Variants in KCNK2 observed in about 807,000 individuals in gnomAD.
The protein encoded by KCNK2 is potassium two pore domain channel subfamily K member 2, also known as potassium channel subfamily K member 2.
In KCNK2, 21 loss-of-function variants were observed where a neutral mutation model predicts 40.5. The ratio of observed to expected loss-of-function variants is 0.52; its 90% CI spans 0.37 to 0.75. The LOEUF is 0.75. Among genes scored for constraint, KCNK2 ranks in the 30% least tolerant of loss-of-function variants. The probability of loss-of-function intolerance (pLI) is 0.00; values close to 1 mark genes in which losing one functional copy is unlikely to be tolerated. For missense variants in KCNK2, 399 were observed against 531.6 expected (o/e 0.75, Z 2.45); for synonymous variants, 191 against 202.2 (o/e 0.94, Z 0.47).
At chr1:215,127,165 T>C (rs1661474793) in intron 3 of KCNK2, among the ~76,000 whole-genome samples, 1 of 152,080 alleles carries the variant, frequency 6.6e-6, no homozygotes, top group African/African-American at 2.4e-5. Context: ...TTTTGGAAAA[T>C]AAATTGCAGT....
chr1:215,056,520 AAAG>A (rs543626040), intron 1 of KCNK2, among the ~76,000 whole-genome samples: 8,101 of 137,172 alleles, frequency 0.059, 522 homozygotes, highest in Middle Eastern at 0.14. Flanking sequence ...AAAAAAAAAA[AAAG>A]AAGAAGAAGG....
At chr1:215,148,075 T>A (rs1417036482) in intron 3 of KCNK2, among the ~76,000 whole-genome samples, 1 of 74,624 alleles carries the variant, frequency 1.3e-5, no homozygotes, top group Non-Finnish European at 2.8e-5. Context: ...TTTTATTTTC[T>A]TTTCCTTTTT....
intron 1 of KCNK2, among the ~76,000 whole-genome samples, chr1:215,023,301 C>G (rs903451432): frequency 7.9e-5 from 12 of 152,150 alleles, no homozygotes; most frequent in African/African-American, 2.7e-4. Context: ...GGCCAGCCCT[C>G]TACTACAAAG....
chr1:215,045,549 C>T (rs924526448), intron 1 of KCNK2, among the ~76,000 whole-genome samples: 2 of 152,152 alleles, frequency 1.3e-5, no homozygotes, highest in African/African-American at 2.4e-5. Context: ...TTATGCATAT[C>T]TTGGGTTATT....
chr1:215,086,299 TAAA>T (rs771554800), intron 1 of KCNK2, 66 bp from the exon 2 acceptor site: 129 of 1,326,312 alleles, frequency 9.7e-5, no homozygotes, highest in Non-Finnish European at 1.3e-4. Flanking sequence ...TCTGACCCCT[TAAA>T]GAAGAAGCCC....
intron 4 of KCNK2, among the ~76,000 whole-genome samples, chr1:215,171,484 C>T (rs1019650600): frequency 3.3e-5 from 5 of 151,944 alleles, no homozygotes; most frequent in African/African-American, 1.2e-4. Flanking sequence ...ATGGAAGTGA[C>T]AGAAAAAAAC....
chr1:215,202,804 T>G (rs960449549), intron 6 of KCNK2, among the ~76,000 whole-genome samples: 3 of 152,192 alleles, frequency 2.0e-5, no homozygotes, highest in Non-Finnish European at 4.4e-5. Context: ...TACAGTGACT[T>G]GTGAAAGGTT....
At chr1:215,083,620 TC>T in intron 1 of KCNK2, 189 bp downstream of exon 1, 2 of 598,820 alleles carry the variant, frequency 3.3e-6, no homozygotes, top group Non-Finnish European at 6.0e-6. Context: ...ACGCCGCTTC[TC>T]CCCCCTCTCC....
At chr1:215,210,218 T>G (rs561320229) in intron 6 of KCNK2, among the ~76,000 whole-genome samples, 1 of 150,562 alleles carries the variant, frequency 6.6e-6, no homozygotes, top group Non-Finnish European at 1.5e-5. Context: ...TAAATTCATC[T>G]TAGCTCTCAT....
intron 1 of KCNK2, among the ~76,000 whole-genome samples, chr1:215,011,362 T>TGGCTCACTGCATC (rs1242078238): frequency 4.6e-5 from 7 of 151,782 alleles, no homozygotes; most frequent in African/African-American, 1.7e-4. Flanking sequence ...GGCACTGCCT[T>TGGCTCACTGCATC]GGCTCACTGC....
At chr1:215,091,126 G>T (rs772309526) in intron 2 of KCNK2, among the ~76,000 whole-genome samples, 22 of 152,176 alleles carry the variant, frequency 1.4e-4, no homozygotes, top group Non-Finnish European at 2.6e-4. Flanking sequence ...CCCTGAGGAA[G>T]AAATTAAGCA....
chr1:215,175,437 T>A (rs2102642051), intron 5 of KCNK2, among the ~76,000 whole-genome samples: 1 of 131,674 alleles, frequency 7.6e-6, no homozygotes, highest in South Asian at 2.3e-4. Context: ...TGATACCAAA[T>A]GTCTGCCTCT....
chr1:215,194,922 G>T (rs771316818), intron 5 of KCNK2, 31 bp from the exon 6 acceptor site: 2 of 1,606,408 alleles, frequency 1.2e-6, no homozygotes, highest in Non-Finnish European at 8.5e-7. Flanking sequence ...AGACTATGAA[G>T]TTATTTTGTT....
At chr1:215,046,902 T>C (rs1657790523) in intron 1 of KCNK2, among the ~76,000 whole-genome samples, 1 of 152,100 alleles carries the variant, frequency 6.6e-6, no homozygotes, top group South Asian at 2.1e-4. Flanking sequence ...GAGAAACTGA[T>C]ATTTATGAAA....
intron 1 of KCNK2, among the ~76,000 whole-genome samples, chr1:215,047,480 C>T (rs1022563051): frequency 6.6e-6 from 1 of 151,934 alleles, no homozygotes; most frequent in Non-Finnish European, 1.5e-5. Context: ...AATAACAGAA[C>T]CTAAATTTGA....
intron 1 of KCNK2, among the ~76,000 whole-genome samples, chr1:215,064,521 A>G (rs1658471982): frequency 6.6e-6 from 1 of 152,172 alleles, no homozygotes; most frequent in Non-Finnish European, 1.5e-5. Flanking sequence ...ACGAGGCACC[A>G]TTGGCTTCCC....
chr1:215,067,322 T>C (rs898361318), intron 1 of KCNK2, among the ~76,000 whole-genome samples: 1 of 152,142 alleles, frequency 6.6e-6, no homozygotes, highest in African/African-American at 2.4e-5. Flanking sequence ...ATATATATAA[T>C]TTTTTAAAAA....
intron 6 of KCNK2, among the ~76,000 whole-genome samples, chr1:215,225,633 T>G (rs1186303974): frequency 6.6e-6 from 1 of 152,232 alleles, no homozygotes; most frequent in Non-Finnish European, 1.5e-5. Context: ...AGATTTCTCT[T>G]ACCAGTCAGT....
intron 2 of KCNK2, among the ~76,000 whole-genome samples, chr1:215,119,069 C>A (rs1268823656): frequency 6.6e-6 from 1 of 152,154 alleles, no homozygotes; most frequent in African/African-American, 2.4e-5. Flanking sequence ...ACTCTGAAAG[C>A]AGTACATTCT....
Sources: allele counts gnomAD v4.1 joint callset (sites outside exome capture counted in the v4.1 genomes callset), GRCh38; gene constraint gnomAD v4.1.1; transcripts MANE v1.5; gene names NCBI Gene and HGNC (gene_info 2026-07-23, HGNC 2026-07-21).